Variants in YWHAB observed in about 807,000 individuals in gnomAD.
YWHAB encodes the protein 14-3-3 protein beta/alpha.
In YWHAB, 2 loss-of-function variants were observed where a neutral mutation model predicts 28.5. The ratio of observed to expected loss-of-function variants is 0.07; its 90% confidence interval spans 0.03 to 0.22. The LOEUF (loss-of-function observed/expected upper bound fraction) is 0.22. Ranked by LOEUF, YWHAB falls within the 10% of genes least tolerant of loss-of-function variation. YWHAB has a pLI of 1.00. For synonymous variants in YWHAB, 103 were observed against 104.7 expected (o/e 0.98, Z 0.10); for missense variants, 148 against 297.1 (o/e 0.50, Z 3.69).
intron 1 of YWHAB, among the ~76,000 whole-genome samples, chr20:44,889,462 C>CT (rs11398883): frequency 0.33 from 47,675 of 144,876 alleles, 8,271 homozygotes; most frequent in African/African-American, 0.47. Flanking sequence ...GGTTAGTTAA[C>CT]TTTTTTTTTT....
rs1407395147 is a variant in YWHAB, at chr20:44,894,828, C to T, written c.-3-6703C>T. ...ACATGCTCACATGGCTGTATAGTGG[C>T]ACATTGCGCTGTGACACACAGTCCT... is the stretch of plus-strand genomic sequence containing the variant. On this transcript the variant is annotated intron_variant, in intron 1 of 5. Coordinates refer to ENST00000353703, the MANE Select transcript of YWHAB (RefSeq NM_139323.4). Among the ~76,000 whole-genome samples, 3 of 152,328 alleles carry T rather than the reference C, an allele frequency of 2.0e-5. No homozygotes were observed. In the East Asian group the frequency reaches 5.8e-4, roughly 29 times the overall value.
At chr20:44,899,711 G>T (rs1214529909) in intron 1 of YWHAB, among the ~76,000 whole-genome samples, 1 of 152,144 alleles carries the variant, frequency 6.6e-6, no homozygotes, top group Non-Finnish European at 1.5e-5. Context: ...TCTGTAAATG[G>T]TGATTATTGC....
intron 1 of YWHAB, among the ~76,000 whole-genome samples, chr20:44,895,762 T>C (rs1332622480): frequency 6.6e-6 from 1 of 152,212 alleles, no homozygotes. Context: ...CTGCCATGCC[T>C]GACTGGAAGA....
At chr20:44,895,399 G>A (rs2066589867) in intron 1 of YWHAB, among the ~76,000 whole-genome samples, 1 of 152,228 alleles carries the variant, frequency 6.6e-6, no homozygotes, top group Admixed American at 6.5e-5. Context: ...TAAATTTGAT[G>A]GAGTAGCCAA....
chr20:44,891,287 G>A (rs566524640), intron 1 of YWHAB, among the ~76,000 whole-genome samples: 8 of 152,246 alleles, frequency 5.3e-5, no homozygotes, highest in African/African-American at 1.7e-4. Context: ...TATATATTTA[G>A]TAGAGACGGG....
chr20:44,890,824 G>A (rs1450187822), intron 1 of YWHAB, among the ~76,000 whole-genome samples: 5 of 151,792 alleles, frequency 3.3e-5, no homozygotes, highest in Non-Finnish European at 5.9e-5. Context: ...CCTACTTTAA[G>A]CTCACAATCC....
At chr20:44,897,253 C>T (rs1042017626) in intron 1 of YWHAB, among the ~76,000 whole-genome samples, 10 of 152,184 alleles carry the variant, frequency 6.6e-5, no homozygotes, top group African/African-American at 1.7e-4. Context: ...TATTTAGCAA[C>T]GGCAATCCTT....
chr20:44,898,666 C>T (rs1332304423), intron 1 of YWHAB, among the ~76,000 whole-genome samples: 1 of 152,018 alleles, frequency 6.6e-6, no homozygotes, highest in Non-Finnish European at 1.5e-5. Context: ...TGCACTGTGC[C>T]CAGCTAATTT....
intron 1 of YWHAB, among the ~76,000 whole-genome samples, chr20:44,893,560 T>A (rs145975687): frequency 4.2e-4 from 64 of 152,202 alleles, no homozygotes; most frequent in African/African-American, 1.5e-3. Flanking sequence ...TAGGGGATAT[T>A]TTACAGAAAT....
chr20:44,892,608 A>G (rs2066569435), intron 1 of YWHAB, among the ~76,000 whole-genome samples: 1 of 152,158 alleles, frequency 6.6e-6, no homozygotes, highest in Non-Finnish European at 1.5e-5. Context: ...CACACATTGG[A>G]TTATATGTGT....
At chr20:44,906,148 A>G (rs1399807820) in intron 5 of YWHAB, 52 bp downstream of exon 5, 2 of 1,410,594 alleles carry the variant, frequency 1.4e-6, no homozygotes, top group African/African-American at 2.9e-5. Context: ...CACCTACTTA[A>G]TAATTCACTG....
intron 4 of YWHAB, 58 bp from the exon 5 acceptor site, chr20:44,905,943 T>A (rs2066653352): frequency 7.2e-7 from 1 of 1,394,054 alleles, no homozygotes; most frequent in East Asian, 2.3e-5. Context: ...GGAAAAAAAG[T>A]GGGCTAAACT....
intron 1 of YWHAB, among the ~76,000 whole-genome samples, chr20:44,891,365 A>G (rs1483328140): frequency 6.6e-6 from 1 of 152,182 alleles, no homozygotes; most frequent in Non-Finnish European, 1.5e-5. Context: ...TCGGCCTCCC[A>G]GAGTGCTGGG....
intron 1 of YWHAB, among the ~76,000 whole-genome samples, chr20:44,894,642 C>T (rs923989394): frequency 2.8e-4 from 42 of 152,174 alleles, no homozygotes; most frequent in African/African-American, 9.9e-4. Context: ...GTGTAATAGT[C>T]GTGGAGAAGA....
chr20:44,899,923 A>G (rs1163424806), intron 1 of YWHAB, among the ~76,000 whole-genome samples: 2 of 152,180 alleles, frequency 1.3e-5, no homozygotes, highest in African/African-American at 2.4e-5. Flanking sequence ...TTCTCTTGCA[A>G]CCTATACCAT....
At chr20:44,888,771 C>T (rs1379670549) in intron 1 of YWHAB, among the ~76,000 whole-genome samples, 2 of 152,170 alleles carry the variant, frequency 1.3e-5, no homozygotes, top group Non-Finnish European at 2.9e-5. Context: ...CTAGTACTTG[C>T]TTCATACTAG....
chr20:44,905,579 C>T (rs1057343816), intron 4 of YWHAB: 3 of 163,498 alleles, frequency 1.8e-5, no homozygotes, highest in South Asian at 4.0e-4. Flanking sequence ...CATTTTTATT[C>T]GGGAAAGGTG....
intron 1 of YWHAB, among the ~76,000 whole-genome samples, chr20:44,895,962 C>G (rs1184917360): frequency 3.3e-5 from 5 of 152,170 alleles, no homozygotes; most frequent in African/African-American, 1.2e-4. Flanking sequence ...ATATTTGTTC[C>G]TACCAATTAT....
chr20:44,902,882 A>T, intron 2 of YWHAB: 1 of 199,228 alleles, frequency 5.0e-6, no homozygotes, highest in Non-Finnish European at 9.0e-6. Flanking sequence ...ATGGTGCACT[A>T]ATTCCTGAAT....
Sources: gnomAD v4.1 joint callset for allele counts (sites outside exome capture counted in the v4.1 genomes callset) on GRCh38, gnomAD v4.1.1 for gene constraint, MANE v1.5 for transcripts, NCBI Gene and HGNC (gene_info 2026-07-23, HGNC 2026-07-21) for gene names.